Variants in AGTPBP1 observed in about 807,000 individuals in gnomAD.
The protein encoded by AGTPBP1 is ATP/GTP binding carboxypeptidase 1.
In AGTPBP1, 70 loss-of-function variants were observed where a neutral mutation model predicts 143.9. The observed-to-expected ratio is 0.49, with a 90% CI of 0.40 to 0.59. The LOEUF is 0.59. Ranked by LOEUF, AGTPBP1 falls within the 20% of genes least tolerant of loss-of-function variation. The probability of loss-of-function intolerance (pLI) is 0.00; values close to 1 mark genes in which losing one functional copy is unlikely to be tolerated. For synonymous variants in AGTPBP1, 463 were observed against 500.2 expected (o/e 0.93, Z 0.99); for missense variants, 1,229 against 1,464.5 (o/e 0.84, Z 2.62).
At position 85,711,441 on chromosome 9, in the gene AGTPBP1, C is replaced by CT. The variant is rs746034159; in HGVS notation, c.32+1060dup. Among the ~76,000 whole-genome samples the CT allele has an allele frequency of 6.5e-3, 900 of 139,262 alleles. 4 individuals carry two copies. Among genetic ancestry groups the CT allele is most frequent in the African/African-American group, 0.01 (385 of 38,480 alleles). The allele number at this position is 139,262 out of a possible 152,430, so 91.4% of individuals were successfully genotyped here. A position where few individuals can be genotyped will look rare whatever the true frequency, so the allele number is the denominator to read the frequency against. On this transcript the variant is annotated intron_variant, in intron 2 of 25. Transcript: ENST00000357081. The stretch of plus-strand genomic sequence containing the variant: ...CAGTTAAACTTTATCTTTTTTCTTT[C>CT]TTTTTTTTTTTTTTTTGAGACAGAG...
At chr9:85,589,992 C>A (rs1828855670) in intron 19 of AGTPBP1, among the ~76,000 whole-genome samples, 1 of 152,138 alleles carries the variant, frequency 6.6e-6, no homozygotes, top group South Asian at 2.1e-4. Flanking sequence ...TAAATAAACT[C>A]AGGTCAGGCT....
chr9:85,644,224 C>G (rs181522763), intron 12 of AGTPBP1, among the ~76,000 whole-genome samples: 3 of 151,594 alleles, frequency 2.0e-5, no homozygotes, highest in African/African-American at 7.2e-5. Context: ...TTATTGTATA[C>G]TTATTATTAC....
At chr9:85,645,573 G>A (rs370132245) in intron 12 of AGTPBP1, among the ~76,000 whole-genome samples, 3 of 151,950 alleles carry the variant, frequency 2.0e-5, no homozygotes, top group Non-Finnish European at 4.4e-5. Flanking sequence ...AAAGTGAATC[G>A]AATACTCAGT....
intron 8 of AGTPBP1, among the ~76,000 whole-genome samples, chr9:85,661,453 C>T (rs755656533): frequency 7.2e-5 from 11 of 152,134 alleles, no homozygotes; most frequent in South Asian, 2.1e-4. Context: ...ATATATCCTC[C>T]TATTTAAGGC....
chr9:85,741,968 G>T (rs1444799618), upstream of AGTPBP1: 1 of 1,245,506 alleles, frequency 8.0e-7, no homozygotes, highest in African/African-American at 1.6e-5. Context: ...CGCATCCCGG[G>T]CAACGTCAGC....
At chr9:85,755,947 G>A in the AGTPBP1 span, 1 of 747,998 alleles carries the variant, frequency 1.3e-6, no homozygotes, top group African/African-American at 1.8e-5. Flanking sequence ...GGCTACCTGA[G>A]TTACTCTAAG....
rs575374545 is a variant in AGTPBP1 at position 85,631,910 on chromosome 9, C to A, written c.2015+752G>T. Among the ~76,000 whole-genome samples the A allele has an allele frequency of 3.9e-5, 6 of 152,278 alleles. No homozygotes were observed. The South Asian group carries it at 6.2e-4, about 16-fold the overall frequency. On this transcript the variant is annotated intron_variant, in intron 14 of 25. Transcript: ENST00000357081. ...CAATATTTAATATCATTTGCAATAT[C>A]TAATCTTACTTGGCAATATTTAATA...
rs935322387 is a variant in AGTPBP1, at chr9:85,641,457, T to C, written c.1302+1370A>G. 9.9e-5 allele frequency among the ~76,000 whole-genome samples: 15 copies of C among 152,138 alleles called. 1 individual carries two copies. The highest frequency in any genetic ancestry group is 9.2e-4 in the Admixed American group (14 of 15,280). On this transcript the variant is annotated intron_variant, in intron 13 of 25. Coordinates refer to ENST00000357081, the MANE Select transcript of AGTPBP1 (RefSeq NM_001330701.2). The stretch of plus-strand genomic sequence containing the variant: ...TCAAATGCCTCTTCCTGTCTTCTTT[T>C]TTTTTTCTTTTGACAAATACCTTCT...
At chr9:85,549,375 G>A (rs1825908411) in intron 25 of AGTPBP1, among the ~76,000 whole-genome samples, 1 of 152,096 alleles carries the variant, frequency 6.6e-6, no homozygotes, top group African/African-American at 2.4e-5. Context: ...AGCTGGGCAG[G>A]GAAGCACGCA....
intron 1 of AGTPBP1, among the ~76,000 whole-genome samples, chr9:85,728,369 A>G (rs763886639): frequency 6.6e-6 from 1 of 152,096 alleles, no homozygotes; most frequent in Non-Finnish European, 1.5e-5. Context: ...CACTGATTAT[A>G]CACTTAAGAT....
chr9:85,741,678 C>G, intron 1 of AGTPBP1, 97 bp downstream of exon 1: 1 of 1,255,764 alleles, frequency 8.0e-7, no homozygotes, highest in South Asian at 3.0e-5. Context: ...CGGGGTCGCC[C>G]CTCCTACCCC....
chr9:85,786,136 G>A, the AGTPBP1 span: 1 of 1,608,346 alleles, frequency 6.2e-7, no homozygotes, highest in South Asian at 1.1e-5. Flanking sequence ...GAAGCCAGAA[G>A]GAGGCATGCT....
intron 1 of AGTPBP1, among the ~76,000 whole-genome samples, chr9:85,740,503 G>C (rs1209787539): frequency 6.6e-6 from 1 of 152,140 alleles, no homozygotes; most frequent in Non-Finnish European, 1.5e-5. Context: ...TTGACATTTG[G>C]CACATGTTTT....
At chr9:85,784,476 T>C in the AGTPBP1 span, among the ~76,000 whole-genome samples, 2 of 152,164 alleles carry the variant, frequency 1.3e-5, no homozygotes, top group African/African-American at 2.4e-5. Context: ...GGTACATTCA[T>C]GGCTCACTGC....
Position 85,728,734 on chromosome 9 carries a change from T to C in AGTPBP1, c.-34+13041A>G, listed in dbSNP as rs1300022263. 2.6e-5 allele frequency among the ~76,000 whole-genome samples: 4 copies of C among 152,114 alleles called. No individual in the cohort carries two copies. The East Asian group carries it at 7.7e-4, about 29-fold the overall frequency. On this transcript the variant is annotated intron_variant, in intron 1 of 25. Coordinates refer to ENST00000357081, the MANE Select transcript of AGTPBP1 (RefSeq NM_001330701.2). ...AATCAAAACACATACAAATATTTTGTTAACTTGTGGACTTATATTTCAGCC... is the reference window on the plus strand; with the variant it reads ...AATCAAAACACATACAAATATTTTGCTAACTTGTGGACTTATATTTCAGCC...
chr9:85,712,502 C>CT lies in AGTPBP1; in HGVS notation c.31dup (p.Ser11LysfsTer5). On this transcript the variant is annotated frameshift_variant and splice_region_variant, in exon 2 of 26. Coordinates refer to ENST00000357081, the MANE Select transcript of AGTPBP1 (RefSeq NM_001330701.2). LOFTEE classifies it high-confidence loss of function. ...ATACTGATATTCAGAATTACAGTACCTTTTTTCTGGTATCACTTTTAACTT... is the reference window on the plus strand; with the variant it reads ...ATACTGATATTCAGAATTACAGTACCTTTTTTTCTGGTATCACTTTTAACTT... 6 of 1,485,906 alleles carry CT rather than the reference C, an allele frequency of 4.0e-6. No individual in the cohort carries two copies. Among genetic ancestry groups the CT allele is most frequent in the South Asian group, 4.0e-5 (3 of 75,534 alleles). The allele number at this position is 1,485,906 out of a possible 1,614,324, so 92.0% of individuals were successfully genotyped here.
intron 25 of AGTPBP1, among the ~76,000 whole-genome samples, chr9:85,557,995 G>GAAA (rs1826459800): frequency 6.6e-6 from 1 of 152,016 alleles, no homozygotes; most frequent in African/African-American, 2.4e-5. Flanking sequence ...TACCTTATTC[G>GAAA]AAAAATATCA....
Position 85,592,533 on chromosome 9 carries a change from T to G in AGTPBP1, c.2568+27A>C, listed in dbSNP as rs1293622042. 4 of 1,514,658 alleles carry G rather than the reference T, an allele frequency of 2.6e-6. No homozygotes were observed. The South Asian group carries it at 5.0e-5, about 19-fold the overall frequency. The allele number at this position is 1,514,658 out of a possible 1,614,324, so 93.8% of individuals were successfully genotyped here. On this transcript the variant is annotated intron_variant, in intron 19 of 25. Coordinates refer to ENST00000357081, the MANE Select transcript of AGTPBP1 (RefSeq NM_001330701.2). ...TTCCATTATCTTATACATATCCATA[T>G]AATACAATTTAATTTAGAGTTCTTA...
At chr9:85,766,005 A>G in the AGTPBP1 span, among the ~76,000 whole-genome samples, 26 of 152,218 alleles carry the variant, frequency 1.7e-4, no homozygotes, top group South Asian at 4.2e-4. Context: ...CCAAGGTGTT[A>G]AATTGGAGCC....
Sources: allele counts gnomAD v4.1 joint callset (sites outside exome capture counted in the v4.1 genomes callset), GRCh38; gene constraint gnomAD v4.1.1; transcripts MANE v1.5; gene names NCBI Gene and HGNC (gene_info 2026-07-23, HGNC 2026-07-21).